The following CDK19 variants were observed in gnomAD, a reference collection of about 807,000 sequenced individuals.
CDK19 encodes the protein cyclin dependent kinase 19.
Under a neutral mutation model 68.3 loss-of-function variants are expected in CDK19, and 20 were observed. That is an observed-to-expected ratio of 0.29 (90% CI 0.21 to 0.43). The LOEUF (loss-of-function observed/expected upper bound fraction) is 0.43. Ranked by LOEUF, CDK19 falls within the 20% of genes least tolerant of loss-of-function variation. The pLI, the probability that CDK19 is intolerant of heterozygous loss-of-function variation, is 1.00. For missense variants in CDK19, 339 were observed against 623.5 expected (o/e 0.54, Z 4.86); for synonymous variants, 221 against 222.8 (o/e 0.99, Z 0.07).
At chr6:110,722,609 T>C (rs998030418) in intron 2 of CDK19, among the ~76,000 whole-genome samples, 1 of 151,858 alleles carries the variant, frequency 6.6e-6, no homozygotes, top group African/African-American at 2.4e-5. Context: ...AAATACTTTC[T>C]AAAAAAATAC....
intron 1 of CDK19, among the ~76,000 whole-genome samples, chr6:110,750,768 G>A (rs1778424144): frequency 6.6e-6 from 1 of 152,172 alleles, no homozygotes; most frequent in Admixed American, 6.5e-5. Flanking sequence ...ACATAGATAA[G>A]AAGACTTTTG....
chr6:110,646,211 G>T, intron 4 of CDK19: 1 of 1,414,288 alleles, frequency 7.1e-7, no homozygotes, highest in South Asian at 1.4e-5. Context: ...GCAACTCGTC[G>T]GGGTCCGACG....
chr6:110,812,424 G>C (rs1783178046), intron 1 of CDK19, among the ~76,000 whole-genome samples: 1 of 152,136 alleles, frequency 6.6e-6, no homozygotes, highest in Non-Finnish European at 1.5e-5. Flanking sequence ...ACCCGACCCA[G>C]AGAATATTTT....
intron 4 of CDK19, among the ~76,000 whole-genome samples, chr6:110,649,349 C>T (rs1358128072): frequency 6.6e-6 from 1 of 151,974 alleles, no homozygotes; most frequent in African/African-American, 2.4e-5. Context: ...CACCTTATAC[C>T]ATAAACACAT....
At chr6:110,662,400 TCTAA>T (rs1329517081) in intron 4 of CDK19, among the ~76,000 whole-genome samples, 4 of 152,124 alleles carry the variant, frequency 2.6e-5, no homozygotes, top group East Asian at 1.9e-4. Context: ...AAAGAAATAG[TCTAA>T]CTGATAGTTC....
intron 4 of CDK19, among the ~76,000 whole-genome samples, chr6:110,660,050 T>G (rs1242265643): frequency 6.6e-6 from 1 of 152,216 alleles, no homozygotes; most frequent in Non-Finnish European, 1.5e-5. Flanking sequence ...CAAATTGGAC[T>G]GGAACTCCTG....
At chr6:110,652,069 G>A (rs1298079605) in intron 4 of CDK19, among the ~76,000 whole-genome samples, 1 of 151,398 alleles carries the variant, frequency 6.6e-6, no homozygotes, top group African/African-American at 2.4e-5. Context: ...GCAAGATCCT[G>A]TCTCAAAAAA....
chr6:110,715,517 G>C (rs1048056431), intron 2 of CDK19, among the ~76,000 whole-genome samples: 3 of 151,720 alleles, frequency 2.0e-5, no homozygotes, highest in Non-Finnish European at 2.9e-5. Context: ...TTTGAGACTA[G>C]TCGCTCTGTT....
intron 1 of CDK19, among the ~76,000 whole-genome samples, chr6:110,786,215 C>T (rs1781212181): frequency 6.6e-6 from 1 of 152,118 alleles, no homozygotes; most frequent in East Asian, 1.9e-4. Context: ...CCTGACACTG[C>T]TTCTTGTGTG....
intron 2 of CDK19, among the ~76,000 whole-genome samples, chr6:110,734,429 G>C (rs1390169186): frequency 2.6e-5 from 4 of 150,958 alleles, no homozygotes; most frequent in Admixed American, 2.6e-4. Context: ...TTTACACATT[G>C]CTGTTTTAAT....
Position 110,612,528 on chromosome 6 carries a change from A to G in CDK19, c.*2007T>C, listed in dbSNP as rs1778081191. ...GGAGGGCTTACTGTCACAGATCACA[A>G]GCTCCTTAAGGACAAGAAGTATGCC... is the stretch of plus-strand genomic sequence containing the variant. On this transcript the variant is annotated 3_prime_UTR_variant, in exon 13 of 13. Coordinates refer to ENST00000368911, the MANE Select transcript of CDK19 (RefSeq NM_015076.5). 1 of 152,388 alleles carries G rather than the reference A, an allele frequency of 6.6e-6. No individual in the cohort carries two copies. Among genetic ancestry groups the G allele is most frequent in the Admixed American group, 6.5e-5 (1 of 15,290 alleles). 9.4% of individuals were successfully genotyped at this position (152,388 alleles called of 1,614,324 possible). A position where few individuals can be genotyped will look rare whatever the true frequency, so the allele number is the denominator to read the frequency against.
intron 2 of CDK19, among the ~76,000 whole-genome samples, chr6:110,693,198 C>T (rs1025875095): frequency 7.2e-5 from 11 of 152,106 alleles, no homozygotes; most frequent in South Asian, 2.1e-4. Context: ...ACTGCAGGAG[C>T]GTACCAGGAA....
At chr6:110,687,079 T>C (rs1772552950) in intron 2 of CDK19, among the ~76,000 whole-genome samples, 2 of 152,136 alleles carry the variant, frequency 1.3e-5, no homozygotes, top group African/African-American at 4.8e-5. Flanking sequence ...TAGTTTGCAT[T>C]TTCTGCTTTT....
chr6:110,758,188 C>A (rs1288985813), intron 1 of CDK19, among the ~76,000 whole-genome samples: 1 of 151,990 alleles, frequency 6.6e-6, no homozygotes, highest in Non-Finnish European at 1.5e-5. Context: ...AAGACCCTGT[C>A]CCCCACCTCC....
At position 110,675,627 on chromosome 6, in the gene CDK19, C is replaced by CAAA. The variant is rs57966061; in HGVS notation, c.205-5089_205-5087dup. Among the ~76,000 whole-genome samples the CAAA allele has an allele frequency of 3.3e-3, 183 of 55,978 alleles. 2 individuals carry two copies. The highest frequency in any genetic ancestry group is 7.0e-3 in the East Asian group (13 of 1,844). The allele number at this position is 55,978 out of a possible 152,430, so 36.7% of individuals were successfully genotyped here. The stretch of plus-strand genomic sequence containing the variant: ...GGGCAACAAGAATGAGACTCCATCT[C>CAAA]AAAAAAAAAAAAAAAAAAAAAAGAA... On this transcript the variant is annotated intron_variant, in intron 2 of 12. Transcript: ENST00000368911.
chr6:110,770,409 A>G (rs1239427593), intron 1 of CDK19, among the ~76,000 whole-genome samples: 2 of 152,214 alleles, frequency 1.3e-5, no homozygotes, highest in African/African-American at 4.8e-5. Flanking sequence ...GAAGGATGCA[A>G]AAGCAGAAAC....
At chr6:110,805,439 C>G (rs1416002688) in intron 1 of CDK19, among the ~76,000 whole-genome samples, 1 of 151,962 alleles carries the variant, frequency 6.6e-6, no homozygotes, top group East Asian at 1.9e-4. Flanking sequence ...TTAAAATCTT[C>G]TATATTGTCA....
intron 2 of CDK19, among the ~76,000 whole-genome samples, chr6:110,689,677 A>G (rs1304628994): frequency 6.6e-6 from 1 of 152,218 alleles, no homozygotes; most frequent in Non-Finnish European, 1.5e-5. Flanking sequence ...GGCTATCTAT[A>G]TCTAAGGAAT....
intron 2 of CDK19, among the ~76,000 whole-genome samples, chr6:110,680,964 T>G (rs919406104): frequency 4.6e-5 from 7 of 151,790 alleles, no homozygotes; most frequent in African/African-American, 1.7e-4. Flanking sequence ...CCCACTGCAC[T>G]CCAGCCTGGG....
Sources: gnomAD v4.1 joint callset for allele counts (sites outside exome capture counted in the v4.1 genomes callset) on GRCh38, gnomAD v4.1.1 for gene constraint, MANE v1.5 for transcripts, NCBI Gene and HGNC (gene_info 2026-07-23, HGNC 2026-07-21) for gene names.